Variants in SLC10A7 observed in about 807,000 individuals in gnomAD.
The protein encoded by SLC10A7 is solute carrier family 10 member 7, also known as sodium/bile acid cotransporter 7.
A neutral mutation model predicts 43.2 loss-of-function variants in SLC10A7; 29 were observed. The observed-to-expected ratio is 0.67, with a 90% CI of 0.50 to 0.92. The LOEUF (loss-of-function observed/expected upper bound fraction) is 0.92, where lower values mean the gene tolerates loss of function less well. SLC10A7 is among the 40% of genes least tolerant of loss of function. The pLI, the probability that SLC10A7 is intolerant of heterozygous loss-of-function variation, is 0.00. For synonymous variants in SLC10A7, 152 were observed against 144.8 expected, an observed-to-expected ratio of 1.05 and a Z score of -0.35; for missense variants, 295 against 403.2, an observed-to-expected ratio of 0.73 and a Z score of 2.30.
At chr4:146,407,755 T>C (rs1727836160) in intron 5 of SLC10A7, among the ~76,000 whole-genome samples, 1 of 152,200 alleles carries the variant, frequency 6.6e-6, no homozygotes, top group African/African-American at 2.4e-5. Flanking sequence ...ATGCCCAATC[T>C]AGGATATGAC....
chr4:146,360,934 T>C (rs1736003490), intron 5 of SLC10A7, among the ~76,000 whole-genome samples: 1 of 152,122 alleles, frequency 6.6e-6, no homozygotes, highest in East Asian at 1.9e-4. Flanking sequence ...ATAAGTTCAA[T>C]GAACTTATTC....
chr4:146,358,629 A>G (rs1262724227), intron 5 of SLC10A7, among the ~76,000 whole-genome samples: 1 of 152,088 alleles, frequency 6.6e-6, no homozygotes, highest in Non-Finnish European at 1.5e-5. Context: ...GAACTCTCTT[A>G]ATGCCTGCCT....
intron 5 of SLC10A7, among the ~76,000 whole-genome samples, chr4:146,358,919 G>T (rs954876806): frequency 6.6e-6 from 1 of 152,110 alleles, no homozygotes; most frequent in African/African-American, 2.4e-5. Flanking sequence ...GATAGGGTAG[G>T]CATATGTTTA....
chr4:146,308,324 C>T (rs1332910238), intron 6 of SLC10A7, among the ~76,000 whole-genome samples: 2 of 152,088 alleles, frequency 1.3e-5, no homozygotes, highest in African/African-American at 4.8e-5. Flanking sequence ...TTTGAATTGG[C>T]CAACAGACCT....
intron 5 of SLC10A7, among the ~76,000 whole-genome samples, chr4:146,394,501 T>TA (rs1738669870): frequency 6.6e-6 from 1 of 152,028 alleles, no homozygotes; most frequent in South Asian, 2.1e-4. Flanking sequence ...CTGGGACTAC[T>TA]ACAAGAGCAC....
intron 5 of SLC10A7, among the ~76,000 whole-genome samples, chr4:146,360,648 G>A (rs1020127618): frequency 1.3e-5 from 2 of 151,948 alleles, no homozygotes; most frequent in Non-Finnish European, 2.9e-5. Context: ...GTAGAGACAA[G>A]GTCTTGCTAC....
At chr4:146,300,224 A>G (rs1731070168) in intron 7 of SLC10A7, among the ~76,000 whole-genome samples, 1 of 152,142 alleles carries the variant, frequency 6.6e-6, no homozygotes. Flanking sequence ...GTAGGTGAGG[A>G]CAGGTATGGT....
intron 5 of SLC10A7, among the ~76,000 whole-genome samples, chr4:146,328,797 TATAGATATATCTATAGG>T (rs1406249414): frequency 6.6e-6 from 1 of 152,112 alleles, no homozygotes; most frequent in African/African-American, 2.4e-5. Flanking sequence ...AAACCAACAC[TATAGATATATCTATAGG>T]AAAAATTCTT....
At chr4:146,378,212 T>C (rs1202590081) in intron 5 of SLC10A7, among the ~76,000 whole-genome samples, 1 of 152,210 alleles carries the variant, frequency 6.6e-6, no homozygotes, top group African/African-American at 2.4e-5. Flanking sequence ...CAGGGATGCT[T>C]TCTTGCGCCA....
intron 3 of SLC10A7, among the ~76,000 whole-genome samples, chr4:146,505,583 C>G (rs1017352716): frequency 6.6e-6 from 1 of 152,102 alleles, no homozygotes; most frequent in African/African-American, 2.4e-5. Flanking sequence ...AAACTTTATG[C>G]AATGGATTCA....
At chr4:146,257,048 C>A in intron 11 of SLC10A7, 1 of 718,610 alleles carries the variant, frequency 1.4e-6, no homozygotes, top group South Asian at 1.9e-5. Context: ...AAGAAAAATT[C>A]ACTCTGATTA....
chr4:146,456,431 G>T (rs1280801455), intron 4 of SLC10A7, among the ~76,000 whole-genome samples: 1 of 151,798 alleles, frequency 6.6e-6, no homozygotes, highest in African/African-American at 2.4e-5. Flanking sequence ...CCACAGAATT[G>T]CCCTTGCTTT....
chr4:146,371,561 C>T (rs985593405), intron 5 of SLC10A7, among the ~76,000 whole-genome samples: 1 of 152,026 alleles, frequency 6.6e-6, no homozygotes, highest in Non-Finnish European at 1.5e-5. Flanking sequence ...AAAAAGTACG[C>T]GATGTGTTTA....
chr4:146,502,825 T>C (rs954489424), intron 4 of SLC10A7, among the ~76,000 whole-genome samples: 14 of 152,098 alleles, frequency 9.2e-5, no homozygotes, highest in African/African-American at 1.4e-4. Context: ...AACTAATCTA[T>C]AGTGACAGAG....
intron 5 of SLC10A7, chr4:146,408,721 A>T (rs1258042603): frequency 1.3e-5 from 2 of 152,016 alleles, no homozygotes; most frequent in Non-Finnish European, 2.9e-5. Flanking sequence ...GAATATTTTA[A>T]GTCAATTTTT....
chr4:146,304,547 T>C (rs1249519528), intron 7 of SLC10A7, among the ~76,000 whole-genome samples: 2 of 152,182 alleles, frequency 1.3e-5, no homozygotes, highest in African/African-American at 4.8e-5. Flanking sequence ...AGTTTCCATG[T>C]AGTTGAGCGG....
chr4:146,306,170 C>CA (rs1351532987), intron 6 of SLC10A7, among the ~76,000 whole-genome samples, 161 bp from the exon 7 acceptor site: 3 of 152,014 alleles, frequency 2.0e-5, no homozygotes, highest in Non-Finnish European at 4.4e-5. Context: ...AAGTTCAACA[C>CA]AAAAAACTGT....
intron 4 of SLC10A7, among the ~76,000 whole-genome samples, chr4:146,490,670 T>C (rs993276024): frequency 3.3e-5 from 5 of 152,176 alleles, no homozygotes; most frequent in African/African-American, 7.2e-5. Context: ...GCATACACTC[T>C]GAATAATTCC....
At chr4:146,425,050 A>G (rs73852850) in intron 5 of SLC10A7, among the ~76,000 whole-genome samples, 2,571 of 152,306 alleles carry the variant, frequency 0.017, 82 homozygotes, top group African/African-American at 0.059. Context: ...AATGCAAATA[A>G]AAATCATGAG....
Sources: gnomAD v4.1 joint callset for allele counts (sites outside exome capture counted in the v4.1 genomes callset) on GRCh38, gnomAD v4.1.1 for gene constraint, MANE v1.5 for transcripts, NCBI Gene and HGNC (gene_info 2026-07-23, HGNC 2026-07-21) for gene names.